The following FZD6 variants were observed in gnomAD, a reference collection of about 807,000 sequenced individuals.
FZD6 encodes the protein frizzled-6.
In FZD6, 49 loss-of-function variants were observed where a neutral mutation model predicts 61.4. The ratio of observed to expected loss-of-function variants is 0.80; its 90% confidence interval spans 0.63 to 1.01. The LOEUF (loss-of-function observed/expected upper bound fraction) is 1.01. Among genes scored for constraint, FZD6 ranks in the 50% least tolerant of loss-of-function variants. FZD6 has a pLI of 0.00. For synonymous variants in FZD6, 265 were observed against 292.2 expected, an observed-to-expected ratio of 0.91 and a Z score of 0.95; for missense variants, 724 against 848.2, an observed-to-expected ratio of 0.85 and a Z score of 1.82.
At chr8:103,315,639 G>A (rs1269348380) in intron 2 of FZD6, among the ~76,000 whole-genome samples, 2 of 152,152 alleles carry the variant, frequency 1.3e-5, no homozygotes. Flanking sequence ...AGAGCAGGAG[G>A]GATGACAAGG....
At position 103,324,565 on chromosome 8, in the gene FZD6, C is replaced by T; in HGVS notation, c.459C>T (p.Val153=). ...FLGPQKKTEQ[V]QRDIGFWCPR... The stretch of plus-strand genomic sequence containing the variant: ...GTCCTCAGAAGAAAACAGAACAAGT[C>T]CAAAGAGACATTGGATTTTGGTGTC... The change falls in exon 4 of 7, where the codon GTC becomes GTT. Residue 153 remains valine (V), a synonymous_variant. Coordinates refer to ENST00000358755, the MANE Select transcript of FZD6 (RefSeq NM_003506.4). The T allele has an allele frequency of 6.2e-7, 1 of 1,613,274 alleles. No individual in the cohort carries two copies. The highest frequency in any genetic ancestry group is 8.5e-7 in the Non-Finnish European group (1 of 1,179,250).
In FZD6 at chr8:103,325,486, A is replaced by T. The variant is rs139148335; in HGVS notation, c.1380A>T (p.Pro460=). ...ATCATTGTCGTCAGTACCATATCCC[A>T]TGTCCTTATCAGGTAAAAGCTATCA... ...VSDHCRQYHI[P]CPYQAKAKAR... is the part of the protein sequence containing the mutation. The change falls in exon 4 of 7, where the codon CCA becomes CCT. Residue 460 remains proline, a synonymous_variant. Transcript: ENST00000358755. The T allele has an allele frequency of 2.5e-6, 4 of 1,610,386 alleles. No homozygotes were observed. Among genetic ancestry groups the T allele is most frequent in the Non-Finnish European group, 3.4e-6 (4 of 1,176,660 alleles).
In FZD6 at chr8:103,325,095, T is replaced by C; in HGVS notation, c.989T>C (p.Val330Ala). 6.2e-7 allele frequency: 1 copy of C among 1,614,208 alleles called. No individual in the cohort carries two copies. The highest frequency in any genetic ancestry group is 1.6e-4 in the Middle Eastern group (1 of 6,062). ...CAAAAAGCAGTGTGGTTTCATGCTG[T>C]TGCATGGGGAACACCAGGTTTCCTG... is the stretch of plus-strand genomic sequence containing the variant. ...IEQKAVWFHA[V>A]AWGTPGFLTV... Residue 330 changes from valine (V) to alanine (A), a missense_variant, in exon 4 of 7, where the codon GTT becomes GCT. Transcript: ENST00000358755.
intron 2 of FZD6, among the ~76,000 whole-genome samples, chr8:103,305,842 G>C (rs933115139): frequency 2.0e-5 from 3 of 152,180 alleles, no homozygotes; most frequent in African/African-American, 7.2e-5. Flanking sequence ...CTCCTGGGAG[G>C]CTCTGCTGAT....
chr8:103,308,742 T>C lies in FZD6; in HGVS notation c.177+8458T>C, dbSNP rs371883491. Among the ~76,000 whole-genome samples, 5 of 152,344 alleles carry C rather than the reference T, an allele frequency of 3.3e-5. No homozygotes were observed. In the South Asian group the frequency reaches 8.3e-4, roughly 25 times the overall value. On this transcript the variant is annotated intron_variant, in intron 2 of 6. Transcript: ENST00000358755. ...CCAGCCACTTGAAGATGGAATGCAG[T>C]TGGTCCCTGACATCATGAGTAGGTG...
intron 2 of FZD6, among the ~76,000 whole-genome samples, chr8:103,314,405 C>T (rs996936634): frequency 3.9e-5 from 6 of 152,176 alleles, no homozygotes; most frequent in South Asian, 4.1e-4. Context: ...ACTAGTTGCC[C>T]GCAGCTCCCC....
In FZD6 at chr8:103,329,807, C is replaced by T; in HGVS notation, c.1694C>T (p.Thr565Ile). Residue 565 changes from threonine (T) to isoleucine (I), a missense_variant, in exon 6 of 7, where the codon ACA becomes ATA. Physicochemically the swap from Thr to Ile is moderately conservative, Grantham distance 89. Coordinates refer to ENST00000358755, the MANE Select transcript of FZD6 (RefSeq NM_003506.4). ...SKSMGTSTGA[T>I]ANHGTSAVAI... ...TCCATGGGAACCAGCACAGGAGCTA[C>T]AGCAAATCATGGCACTTCTGCAGTA... The T allele has an allele frequency of 1.9e-6, 3 of 1,614,148 alleles. No individual in the cohort carries two copies. Among genetic ancestry groups the T allele is most frequent in the Non-Finnish European group, 2.5e-6 (3 of 1,179,978 alleles).
chr8:103,303,276 A>G (rs1814223222), intron 2 of FZD6, among the ~76,000 whole-genome samples: 1 of 152,200 alleles, frequency 6.6e-6, no homozygotes, highest in Admixed American at 6.5e-5. Context: ...GTATCTTTAC[A>G]CACACTCTAT....
chr8:103,325,499 G>T lies in FZD6; in HGVS notation c.1392+1G>T, dbSNP rs1188001552. On this transcript the variant is annotated splice_donor_variant, in intron 4 of 6. Coordinates refer to ENST00000358755, the MANE Select transcript of FZD6 (RefSeq NM_003506.4). LOFTEE classifies it high-confidence loss of function. The stretch of plus-strand genomic sequence containing the variant: ...GTACCATATCCCATGTCCTTATCAG[G>T]TAAAAGCTATCACTTGGATTATGTC... 6.2e-7 allele frequency: 1 copy of T among 1,600,880 alleles called. No individual in the cohort carries two copies. Among genetic ancestry groups the T allele is most frequent in the African/African-American group, 1.3e-5 (1 of 74,652 alleles).
At position 103,329,846 on chromosome 8, in the gene FZD6, A is replaced by G. The variant is rs775395889; in HGVS notation, c.1733A>G (p.His578Arg). 2.2e-5 allele frequency: 36 copies of G among 1,613,982 alleles called. No individual in the cohort carries two copies. The highest frequency in any genetic ancestry group is 4.0e-5 in the African/African-American group (3 of 74,944). ...ACTTCTGCAGTAGCAATTACTAGCC[A>G]TGATTACCTAGGACAAGAAACTTTG... ...HGTSAVAITSHDYLGQETLTE... is the reference protein window; with the variant it reads ...HGTSAVAITSRDYLGQETLTE... The change falls in exon 6 of 7, where the codon CAT becomes CGT. Residue 578 changes from histidine to arginine, a missense_variant. Transcript: ENST00000358755.
chr8:103,324,835 T>C lies in FZD6; in HGVS notation c.729T>C (p.Ile243=). ...TATATTACTCTGTCTGTTACAGCAT[T>C]GTATCTCTTATGTACTTCATTGGAT... ...PIIYYSVCYS[I]VSLMYFIGFL... The change falls in exon 4 of 7, where the codon ATT becomes ATC. Residue 243 remains isoleucine, a synonymous_variant. Transcript: ENST00000358755. The C allele has an allele frequency of 3.1e-6, 5 of 1,613,640 alleles. No homozygotes were observed. The highest frequency in any genetic ancestry group is 4.2e-6 in the Non-Finnish European group (5 of 1,179,532).
Position 103,331,710 on chromosome 8 carries a change from GA to G in FZD6, c.*205del, listed in dbSNP as rs35421828. ...AATGACAACAATATACCTGAAAACA[GA>G]AAATGTGCAGGTTAATAATATTTTT... On this transcript the variant is annotated 3_prime_UTR_variant, in exon 7 of 7. Transcript: ENST00000358755. 543,920 of 543,920 alleles carry G rather than the reference GA, an allele frequency of 1. 271,960 individuals carry two copies. Among genetic ancestry groups the G allele is most frequent in the Non-Finnish European group, 1 (302,506 of 302,506 alleles). The allele number at this position is 543,920 out of a possible 1,614,324, so 33.7% of individuals were successfully genotyped here.
chr8:103,328,481 TTCAAA>T, intron 5 of FZD6, 65 bp downstream of exon 5: 1 of 1,211,662 alleles, frequency 8.3e-7, no homozygotes, highest in Non-Finnish European at 1.2e-6. Flanking sequence ...CAAGGAACTG[TTCAAA>T]TCAATGTACT....
intron 3 of FZD6, among the ~76,000 whole-genome samples, chr8:103,322,847 CT>C (rs1054315648): frequency 6.6e-6 from 1 of 152,134 alleles, no homozygotes; most frequent in African/African-American, 2.4e-5. Context: ...CATAGAAACT[CT>C]TACACAGAGA....
chr8:103,314,086 A>G (rs1814568735), intron 2 of FZD6, among the ~76,000 whole-genome samples: 1 of 152,178 alleles, frequency 6.6e-6, no homozygotes, highest in African/African-American at 2.4e-5. Context: ...CAGGAACATC[A>G]ACATTATTGG....
intron 2 of FZD6, among the ~76,000 whole-genome samples, chr8:103,308,319 C>T (rs1294767131): frequency 2.0e-5 from 3 of 152,160 alleles, no homozygotes; most frequent in Non-Finnish European, 4.4e-5. Flanking sequence ...AGTCCAGTCA[C>T]ACACTGCTTT....
chr8:103,309,211 C>CT (rs1814426972), intron 2 of FZD6, among the ~76,000 whole-genome samples: 1 of 152,204 alleles, frequency 6.6e-6, no homozygotes. Context: ...CTAGGGGATG[C>CT]TGATGCTGCT....
At chr8:103,310,063 G>A (rs1003211169) in intron 2 of FZD6, among the ~76,000 whole-genome samples, 1 of 152,122 alleles carries the variant, frequency 6.6e-6, no homozygotes, top group African/African-American at 2.4e-5. Flanking sequence ...CTTGAGAGCT[G>A]CAGGTTCAGA....
intron 2 of FZD6, among the ~76,000 whole-genome samples, chr8:103,310,835 T>TG (rs1175757472): frequency 6.6e-6 from 1 of 152,342 alleles, no homozygotes; most frequent in East Asian, 1.9e-4. Context: ...CACTTTGCCA[T>TG]GGGTTGCCAG....
Sources: gnomAD v4.1 joint callset for allele counts (sites outside exome capture counted in the v4.1 genomes callset) on GRCh38, gnomAD v4.1.1 for gene constraint, MANE v1.5 for transcripts, NCBI Gene and HGNC (gene_info 2026-07-23, HGNC 2026-07-21) for gene names.